CFAP20DC: variants seen among roughly 807,000 people sequenced by gnomAD.
CFAP20DC encodes the protein protein CFAP20DC.
A neutral mutation model predicts 101.7 loss-of-function variants in CFAP20DC; 84 were observed. The observed-to-expected ratio is 0.83, with a 90% confidence interval of 0.69 to 0.99. The LOEUF (loss-of-function observed/expected upper bound fraction) is 0.99. CFAP20DC is among the 50% of genes least tolerant of loss of function. CFAP20DC has a pLI of 0.00. For synonymous variants in CFAP20DC, 359 were observed against 351.2 expected (o/e 1.02, Z -0.25); for missense variants, 1,007 against 970.3 (o/e 1.04, Z -0.50).
chr3:58,926,810 A>G (rs1228590077), intron 5 of CFAP20DC, among the ~76,000 whole-genome samples: 1 of 152,240 alleles, frequency 6.6e-6, no homozygotes, highest in Non-Finnish European at 1.5e-5. Flanking sequence ...TCTGAATTCT[A>G]GAGGTTACTA....
chr3:58,972,427 T>C (rs1316473317), intron 4 of CFAP20DC, among the ~76,000 whole-genome samples: 3 of 152,116 alleles, frequency 2.0e-5, no homozygotes, highest in African/African-American at 4.8e-5. Flanking sequence ...GGATGATCAT[T>C]TGTAGAGGAC....
intron 15 of CFAP20DC, among the ~76,000 whole-genome samples, chr3:58,763,455 G>T (rs1040776971): frequency 1.1e-4 from 17 of 152,094 alleles, no homozygotes; most frequent in African/African-American, 3.6e-4. Context: ...TTTTTTCAAG[G>T]TTTTTAACTT....
chr3:58,959,974 GT>G (rs995674883), intron 4 of CFAP20DC, among the ~76,000 whole-genome samples: 1 of 151,732 alleles, frequency 6.6e-6, no homozygotes, highest in African/African-American at 2.4e-5. Context: ...AAATTTTCTG[GT>G]TTTTTTTCTT....
At chr3:58,845,587 AG>A (rs2077558851) in intron 13 of CFAP20DC, among the ~76,000 whole-genome samples, 3 of 152,266 alleles carry the variant, frequency 2.0e-5, no homozygotes, top group Non-Finnish European at 4.4e-5. Flanking sequence ...CAGAGGTACA[AG>A]GAGGAACTGG....
chr3:58,887,220 G>T (rs2081718393), intron 6 of CFAP20DC: 1 of 152,110 alleles, frequency 6.6e-6, no homozygotes. Flanking sequence ...TCAACATTTA[G>T]AAAATCTATA....
rs1026190499 is a variant in CFAP20DC at position 58,897,778 on chromosome 3, C to A, written c.551-13069G>T. Among the ~76,000 whole-genome samples, 1 of 152,156 alleles carries A rather than the reference C, an allele frequency of 6.6e-6. No individual in the cohort carries two copies. The highest frequency in any genetic ancestry group is 2.4e-5 in the African/African-American group (1 of 41,452). ...AGTCTGATGGGCTTCCCTTTGTATG[C>A]GAACTGGCCTTGCCCTCTGGCTGCC... is the stretch of plus-strand genomic sequence containing the variant. On this transcript the variant is annotated intron_variant, in intron 6 of 16. Coordinates refer to ENST00000482387, the MANE Select transcript of CFAP20DC (RefSeq NM_001394063.1). This position sits in a 1 kb window ranked among gnomAD's most constrained non-coding sequence, Gnocchi z 4.4.
intron 4 of CFAP20DC, among the ~76,000 whole-genome samples, chr3:58,990,762 T>TGTGTGC (rs2092912313): frequency 6.6e-6 from 1 of 151,618 alleles, no homozygotes; most frequent in Non-Finnish European, 1.5e-5. Flanking sequence ...CTGGTGTGTG[T>TGTGTGC]GTGTGTGTGT....
rs941665961 is a variant in CFAP20DC, at chr3:58,899,013, C to T, written c.551-14304G>A. On this transcript the variant is annotated intron_variant, in intron 6 of 16. Coordinates refer to ENST00000482387, the MANE Select transcript of CFAP20DC (RefSeq NM_001394063.1). The surrounding 1 kb of genome is among the most constrained non-coding windows in gnomAD (Gnocchi z 5.0). Reference sequence around the variant, plus strand: ...TTGTCTTTTCCCATACCAAGGTTACCACCAGTGAAGGCCATGAAACAGCAA... The same window carrying T: ...TTGTCTTTTCCCATACCAAGGTTACTACCAGTGAAGGCCATGAAACAGCAA... Among the ~76,000 whole-genome samples the T allele has an allele frequency of 1.3e-5, 2 of 152,174 alleles. No individual in the cohort carries two copies. The highest frequency in any genetic ancestry group is 6.8e-3 in the Middle Eastern group (2 of 292).
Position 58,816,513 on chromosome 3 carries a change from T to A in CFAP20DC, c.2176-10057A>T, listed in dbSNP as rs562873213. 7.9e-5 allele frequency among the ~76,000 whole-genome samples: 12 copies of A among 151,994 alleles called. No homozygotes were observed. In the East Asian group the frequency reaches 1.9e-3, roughly 25 times the overall value. ...GGGGTCAGGGAGTTCCCTTTCCGAG[T>A]CAAAGAAAGGGGTGACGGACGCATC... On this transcript the variant is annotated intron_variant, in intron 14 of 16. Transcript: ENST00000482387.
intron 4 of CFAP20DC, among the ~76,000 whole-genome samples, chr3:58,997,092 A>G (rs113841577): frequency 6.6e-6 from 1 of 152,214 alleles, no homozygotes; most frequent in African/African-American, 2.4e-5. Flanking sequence ...CTGTGAGCCT[A>G]AATTTTCATG....
intron 4 of CFAP20DC, among the ~76,000 whole-genome samples, chr3:58,944,819 A>G (rs144051813): frequency 6.6e-6 from 1 of 152,116 alleles, no homozygotes; most frequent in African/African-American, 2.4e-5. Context: ...GATCCTGTGT[A>G]AGGCCTTCCA....
chr3:58,750,773 A>G (rs2068510129), intron 16 of CFAP20DC, among the ~76,000 whole-genome samples: 1 of 152,214 alleles, frequency 6.6e-6, no homozygotes, highest in African/African-American at 2.4e-5. Context: ...CACTTTAGCC[A>G]GAGCAGAGCT....
chr3:58,936,609 T>A (rs1388540414), intron 5 of CFAP20DC, among the ~76,000 whole-genome samples: 1 of 151,892 alleles, frequency 6.6e-6, no homozygotes. Flanking sequence ...AAATGAAGAG[T>A]TCATGTCGTT....
chr3:58,843,347 C>T (rs1030233621), intron 13 of CFAP20DC, among the ~76,000 whole-genome samples: 10 of 151,816 alleles, frequency 6.6e-5, no homozygotes, highest in Non-Finnish European at 1.3e-4. Context: ...AACCAAGGCT[C>T]GAGAACTACG....
intron 5 of CFAP20DC, among the ~76,000 whole-genome samples, chr3:58,917,379 T>C (rs2084850576): frequency 6.6e-6 from 1 of 152,292 alleles, no homozygotes; most frequent in Middle Eastern, 3.4e-3. Context: ...TTCTCTGCCA[T>C]TACTATAGAA....
chr3:58,729,489 G>C lies in CFAP20DC; in HGVS notation c.198-11861C>G, dbSNP rs2067604226. ...TATAACTTTTATTAATTTATGTGTAGATAAAAGAGTTGTTTTAAGACACTA... is the reference window on the plus strand; with the variant it reads ...TATAACTTTTATTAATTTATGTGTACATAAAAGAGTTGTTTTAAGACACTA... On this transcript the variant is annotated intron_variant, in intron 3 of 3. Coordinates refer to the CFAP20DC transcript ENST00000486145. This position sits in a 1 kb window ranked among gnomAD's most constrained non-coding sequence, Gnocchi z 4.4. 6.6e-6 allele frequency among the ~76,000 whole-genome samples: 1 copy of C among 152,068 alleles called. No individual in the cohort carries two copies. The highest frequency in any genetic ancestry group is 2.4e-5 in the African/African-American group (1 of 41,484).
At chr3:58,814,115 AT>A (rs1386146586) in intron 14 of CFAP20DC, among the ~76,000 whole-genome samples, 1 of 151,784 alleles carries the variant, frequency 6.6e-6, no homozygotes, top group Non-Finnish European at 1.5e-5. Flanking sequence ...CTGCCTATTT[AT>A]TTTTAGAGGC....
intron 2 of CFAP20DC, among the ~76,000 whole-genome samples, chr3:59,046,573 G>C (rs1161571688): frequency 6.6e-6 from 1 of 151,936 alleles, no homozygotes; most frequent in East Asian, 1.9e-4. Flanking sequence ...GATGGATTCT[G>C]GGCTGGAGAG....
chr3:58,737,197 A>T, downstream of CFAP20DC: 1 of 456,640 alleles, frequency 2.2e-6, no homozygotes, highest in Non-Finnish European at 4.4e-6. The surrounding 1 kb of genome is among the most constrained non-coding windows in gnomAD (Gnocchi z 4.1). Context: ...TCATCTTGTT[A>T]CAGCCTGGTC....
Sources: gnomAD v4.1 joint callset for allele counts (sites outside exome capture counted in the v4.1 genomes callset) on GRCh38, gnomAD v4.1.1 for gene constraint, Gnocchi (gnomAD v3.1) non-coding constraint, MANE v1.5 for transcripts, NCBI Gene and HGNC (gene_info 2026-07-23, HGNC 2026-07-21) for gene names.